The following LCLAT1 variants were observed in gnomAD, a reference collection of about 807,000 sequenced individuals.
LCLAT1 encodes the protein 1-AGP acyltransferase 8.
In LCLAT1, 11 loss-of-function variants were observed where a neutral mutation model predicts 30.7. That is an observed-to-expected ratio of 0.36 (90% CI 0.23 to 0.59). The LOEUF is 0.59. Ranked by LOEUF, LCLAT1 falls within the 20% of genes least tolerant of loss-of-function variation. LCLAT1 has a pLI of 0.77. For synonymous variants in LCLAT1, 155 were observed against 151.3 expected (o/e 1.02, Z -0.18); for missense variants, 402 against 458.6 (o/e 0.88, Z 1.13).
intron 1 of LCLAT1, among the ~76,000 whole-genome samples, chr2:30,517,007 C>T (rs574422298): frequency 1.0e-3 from 154 of 152,278 alleles, no homozygotes; most frequent in African/African-American, 3.6e-3. Context: ...CCTGAATTCC[C>T]GGCATTGGCC....
At position 30,644,185 on chromosome 2, in the gene LCLAT1, T is replaced by C; in HGVS notation, c.*3566T>C. ...GTATATTTGTGAGTTGTGTTATCTG[T>C]AATATACATCCCAGAATAAAGGAGT... is the stretch of plus-strand genomic sequence containing the variant. On this transcript the variant is annotated 3_prime_UTR_variant, in exon 6 of 6. Transcript: ENST00000379509. 6.6e-6 allele frequency: 1 copy of C among 152,216 alleles called. No homozygotes were observed. Among genetic ancestry groups the C allele is most frequent in the Non-Finnish European group, 1.5e-5 (1 of 68,040 alleles). 9.4% of individuals were successfully genotyped at this position (152,216 alleles called of 1,614,324 possible).
intron 3 of LCLAT1, among the ~76,000 whole-genome samples, chr2:30,548,028 A>G (rs1033563371): frequency 6.6e-6 from 1 of 152,154 alleles, no homozygotes. Context: ...ACACACATAC[A>G]TCTCTGCTTG....
intron 5 of LCLAT1, among the ~76,000 whole-genome samples, chr2:30,605,281 G>C (rs1300094526): frequency 6.6e-6 from 1 of 152,178 alleles, no homozygotes; most frequent in African/African-American, 2.4e-5. Context: ...CCCTTGCTTA[G>C]ACCAGCTAAA....
In LCLAT1 at chr2:30,640,738, TGTTA is replaced by T. The variant is rs1669262745; in HGVS notation, c.*120_*123del. On this transcript the variant is annotated 3_prime_UTR_variant, in exon 6 of 6. Coordinates refer to ENST00000379509, the MANE Select transcript of LCLAT1 (RefSeq NM_001002257.3). ...AATATTTCTTACTGCCATCATTATT[TGTTA>T]AAGATATTTTGCACTTAATTTTGTG... 1 of 1,248,114 alleles carries T rather than the reference TGTTA, an allele frequency of 8.0e-7. No homozygotes were observed. The highest frequency in any genetic ancestry group is 1.1e-6 in the Non-Finnish European group (1 of 913,992). The allele number at this position is 1,248,114 out of a possible 1,614,324, so 77.3% of individuals were successfully genotyped here. A position where few individuals can be genotyped will look rare whatever the true frequency, so the allele number is the denominator to read the frequency against.
chr2:30,615,097 A>C (rs1416021320), intron 5 of LCLAT1, among the ~76,000 whole-genome samples: 1 of 152,168 alleles, frequency 6.6e-6, no homozygotes, highest in Non-Finnish European at 1.5e-5. Flanking sequence ...GTGAACACAG[A>C]GATGAGTGGT....
intron 1 of LCLAT1, among the ~76,000 whole-genome samples, chr2:30,514,509 A>G (rs1194103410): frequency 6.6e-6 from 1 of 152,174 alleles, no homozygotes; most frequent in African/African-American, 2.4e-5. Flanking sequence ...TTATTCATGA[A>G]TAGTTGAATC....
chr2:30,640,795 A>G lies in LCLAT1; in HGVS notation c.*176A>G, dbSNP rs1278930254. The G allele has an allele frequency of 1.3e-6, 1 of 744,230 alleles. No homozygotes were observed. Among genetic ancestry groups the G allele is most frequent in the Admixed American group, 3.2e-5 (1 of 31,062 alleles). The allele number at this position is 744,230 out of a possible 1,614,324, so 46.1% of individuals were successfully genotyped here. ...AAAAATATTGCTACAATTTTTTTTA[A>G]TCTCTGAATGTAATTTCGATACTGT... On this transcript the variant is annotated 3_prime_UTR_variant, in exon 6 of 6. Coordinates refer to ENST00000379509, the MANE Select transcript of LCLAT1 (RefSeq NM_001002257.3).
intron 5 of LCLAT1, among the ~76,000 whole-genome samples, chr2:30,574,666 TC>T (rs1665918337): frequency 6.6e-6 from 1 of 150,768 alleles, no homozygotes. Flanking sequence ...TGCATGTCCT[TC>T]AGACGATTCT....
chr2:30,551,092 C>T (rs968013662), intron 3 of LCLAT1, among the ~76,000 whole-genome samples: 11 of 152,164 alleles, frequency 7.2e-5, no homozygotes, highest in Admixed American at 6.5e-5. Context: ...AATCCTTCCG[C>T]CTCAGCCTCC....
chr2:30,619,760 G>A (rs1220744183), intron 5 of LCLAT1, among the ~76,000 whole-genome samples: 3 of 152,084 alleles, frequency 2.0e-5, no homozygotes, highest in African/African-American at 2.4e-5. Flanking sequence ...TTGCAGTATT[G>A]GCAGAGCTTA....
chr2:30,576,016 A>G (rs992365636), intron 5 of LCLAT1, among the ~76,000 whole-genome samples: 2 of 152,116 alleles, frequency 1.3e-5, no homozygotes, highest in Non-Finnish European at 2.9e-5. Flanking sequence ...AATTTTGAAA[A>G]TATATGTTCT....
chr2:30,536,785 GACAA>G (rs1367022615), intron 3 of LCLAT1, among the ~76,000 whole-genome samples: 2 of 152,086 alleles, frequency 1.3e-5, no homozygotes, highest in East Asian at 1.9e-4. Context: ...TAAACAATAA[GACAA>G]GAAGAAAGAT....
intron 1 of LCLAT1, among the ~76,000 whole-genome samples, chr2:30,523,235 G>A (rs1685560593): frequency 6.7e-6 from 1 of 150,286 alleles, no homozygotes; most frequent in Non-Finnish European, 1.5e-5. Context: ...AAGGAAGTAG[G>A]CATTAACAAT....
chr2:30,597,491 T>A (rs1666975682), intron 5 of LCLAT1, among the ~76,000 whole-genome samples: 1 of 152,152 alleles, frequency 6.6e-6, no homozygotes. Context: ...GCACATTGAT[T>A]TTGCATCCTG....
At chr2:30,624,357 C>A (rs969167585) in intron 5 of LCLAT1, among the ~76,000 whole-genome samples, 16 of 152,072 alleles carry the variant, frequency 1.1e-4, no homozygotes, top group African/African-American at 3.1e-4. Context: ...ACCAAGTATC[C>A]GCTGTCTTCA....
At chr2:30,595,998 T>C in intron 5 of LCLAT1, among the ~76,000 whole-genome samples, 1 of 152,204 alleles carries the variant, frequency 6.6e-6, no homozygotes, top group Non-Finnish European at 1.5e-5. Context: ...AACATAGTAT[T>C]CCATGGTGTA....
intron 1 of LCLAT1, among the ~76,000 whole-genome samples, chr2:30,453,508 A>G (rs1392840060): frequency 6.6e-6 from 1 of 152,132 alleles, no homozygotes; most frequent in South Asian, 2.1e-4. Flanking sequence ...ACCTGTGTAG[A>G]GTTAGGGAGG....
intron 1 of LCLAT1, among the ~76,000 whole-genome samples, chr2:30,493,828 A>T (rs1683963452): frequency 6.6e-6 from 1 of 152,206 alleles, no homozygotes; most frequent in South Asian, 2.1e-4. Flanking sequence ...TGGTCATGAA[A>T]GTTCTTAGTA....
chr2:30,538,248 GA>G (rs1208790819), intron 3 of LCLAT1, among the ~76,000 whole-genome samples: 1 of 152,094 alleles, frequency 6.6e-6, no homozygotes, highest in Non-Finnish European at 1.5e-5. Context: ...AAGCAAAATA[GA>G]AACTAAAAAA....
Sources: allele counts gnomAD v4.1 joint callset (sites outside exome capture counted in the v4.1 genomes callset), GRCh38; gene constraint gnomAD v4.1.1; transcripts MANE v1.5; gene names NCBI Gene and HGNC (gene_info 2026-07-23, HGNC 2026-07-21).